The following CFAP69 variants were observed in gnomAD, a reference collection of about 807,000 sequenced individuals.
CFAP69 encodes cilia and flagella associated protein 69, also known as cilia- and flagella-associated protein 69.
Under a neutral mutation model 123.0 loss-of-function variants are expected in CFAP69, and 92 were observed. That is an observed-to-expected ratio of 0.75 (90% CI 0.63 to 0.89). CFAP69 has a LOEUF of 0.89. CFAP69 is among the 40% of genes least tolerant of loss of function. The pLI is 0.00. For synonymous variants in CFAP69, 380 were observed against 364.3 expected (o/e 1.04, Z -0.49); for missense variants, 1,067 against 1,096.9 (o/e 0.97, Z 0.39).
chr7:90,250,922 G>A (rs1049180521), intron 1 of CFAP69, among the ~76,000 whole-genome samples: 3 of 151,902 alleles, frequency 2.0e-5, no homozygotes, highest in Non-Finnish European at 2.9e-5. Context: ...CTCCCACTGC[G>A]TCCAGTAACT....
At chr7:90,261,352 C>A (rs144129846) in intron 3 of CFAP69, among the ~76,000 whole-genome samples, 40 of 151,896 alleles carry the variant, frequency 2.6e-4, no homozygotes, top group African/African-American at 8.5e-4. Context: ...GGATTACAGG[C>A]GTGAGCCAGC....
chr7:90,271,873 C>A lies in CFAP69; in HGVS notation c.775C>A (p.Arg259Ser), dbSNP rs773322992. Residue 259 changes from arginine to serine, a missense_variant, in exon 8 of 23, where the codon CGT becomes AGT. Arg to Ser is a moderately radical substitution (Grantham distance 110). Coordinates refer to ENST00000389297, the MANE Select transcript of CFAP69 (RefSeq NM_001039706.3). ...DPDPSGQLLF[R>S]SSEILWNLLE... The stretch of plus-strand genomic sequence containing the variant: ...AGATCCCTCTGGACAGCTTTTATTT[C>A]GTTCATCAGAAATACTTTGGAACTT... 1.2e-5 allele frequency: 20 copies of A among 1,610,548 alleles called. No homozygotes were observed. Among genetic ancestry groups the A allele is most frequent in the South Asian group, 7.7e-5 (7 of 90,580 alleles).
the CFAP69 span, among the ~76,000 whole-genome samples, chr7:90,320,175 CCT>C: frequency 6.6e-6 from 1 of 152,182 alleles, no homozygotes; most frequent in African/African-American, 2.4e-5. Flanking sequence ...AAAATACAGT[CCT>C]TTCTACATGT....
intron 3 of CFAP69, among the ~76,000 whole-genome samples, chr7:90,259,476 G>A (rs905782721): frequency 9.7e-6 from 1 of 103,114 alleles, no homozygotes; most frequent in African/African-American, 3.5e-5. Context: ...TGGGGTGTTT[G>A]TTTGTTTGTT....
At chr7:90,282,616 G>T (rs1452999673) in intron 12 of CFAP69, among the ~76,000 whole-genome samples, 1 of 152,094 alleles carries the variant, frequency 6.6e-6, no homozygotes, top group Non-Finnish European at 1.5e-5. Flanking sequence ...TTGTGACAAT[G>T]TGAATAATTT....
intron 21 of CFAP69, among the ~76,000 whole-genome samples, chr7:90,308,384 C>T (rs936526645): frequency 2.6e-5 from 4 of 152,216 alleles, no homozygotes; most frequent in East Asian, 1.9e-4. Context: ...TAGTGCTAAT[C>T]GTTCACTTGA....
intron 5 of CFAP69, 43 bp downstream of exon 5, chr7:90,265,420 C>A: frequency 7.7e-7 from 1 of 1,292,890 alleles, no homozygotes; most frequent in Non-Finnish European, 1.1e-6. Context: ...TAACATACGA[C>A]AGGTCCTACT....
rs771619087 is a variant in CFAP69, at chr7:90,245,561, G to A, written c.120+17G>A. ...GAGGCGCAGGTATGAGCAGGTGTCT[G>A]TGCTTTCAGAGGTGGAGGGGGTGGG... On this transcript the variant is annotated intron_variant, in intron 1 of 22. Transcript: ENST00000389297. The A allele has an allele frequency of 6.8e-7, 1 of 1,467,348 alleles. No individual in the cohort carries two copies. Among genetic ancestry groups the A allele is most frequent in the Non-Finnish European group, 9.0e-7 (1 of 1,108,858 alleles). The allele number at this position is 1,467,348 out of a possible 1,614,324, so 90.9% of individuals were successfully genotyped here. A position where few individuals can be genotyped will look rare whatever the true frequency, so the allele number is the denominator to read the frequency against.
At chr7:90,288,172 T>C (rs993247505) in intron 14 of CFAP69, 62 bp from the exon 15 acceptor site, 20 of 1,369,272 alleles carry the variant, frequency 1.5e-5, no homozygotes, top group Non-Finnish European at 1.9e-5. Context: ...ACCGATAAAG[T>C]AGGAAAGGGA....
In CFAP69 at chr7:90,287,047, C is replaced by T. The variant is rs559458473; in HGVS notation, c.1656+648C>T. ...GTTACAGTGAGCCCAGATCTCACCA[C>T]TGCACTCCAGCCTAGGTGACGCAGT... is the stretch of plus-strand genomic sequence containing the variant. On this transcript the variant is annotated intron_variant, in intron 14 of 22. Coordinates refer to ENST00000389297, the MANE Select transcript of CFAP69 (RefSeq NM_001039706.3). Among the ~76,000 whole-genome samples, 18 of 145,768 alleles carry T rather than the reference C, an allele frequency of 1.2e-4. No individual in the cohort carries two copies. In the South Asian group the frequency reaches 3.9e-3, roughly 32 times the overall value.
chr7:90,319,424 A>T, the CFAP69 span: 1 of 398,494 alleles, frequency 2.5e-6, no homozygotes, highest in African/African-American at 2.1e-5. Flanking sequence ...ATTCCATGAG[A>T]TCTTGAAAGC....
At chr7:90,308,814 C>T (rs562127544) in intron 21 of CFAP69, among the ~76,000 whole-genome samples, 1 of 152,180 alleles carries the variant, frequency 6.6e-6, no homozygotes, top group South Asian at 2.1e-4. Flanking sequence ...CTTCAAATAG[C>T]TTAAATATAA....
intron 5 of CFAP69, 28 bp downstream of exon 5, chr7:90,265,405 G>T: frequency 6.8e-7 from 1 of 1,473,876 alleles, no homozygotes; most frequent in South Asian, 1.2e-5. Flanking sequence ...TAAGGTATAG[G>T]GATGTAACAT....
At chr7:90,300,607 C>A in intron 17 of CFAP69, 2 of 368,972 alleles carry the variant, frequency 5.4e-6, no homozygotes, top group Non-Finnish European at 7.5e-6. Context: ...ATTTTTAGTT[C>A]ATTTACATAT....
intron 4 of CFAP69, among the ~76,000 whole-genome samples, chr7:90,263,974 C>T (rs1798693535): frequency 6.6e-6 from 1 of 150,768 alleles, no homozygotes. Context: ...ACCTGTAGTC[C>T]CAGCTACTCG....
chr7:90,304,413 T>A, intron 18 of CFAP69: 1 of 1,196,640 alleles, frequency 8.4e-7, no homozygotes, highest in Non-Finnish European at 1.0e-6. Flanking sequence ...TTGAGTTTTT[T>A]TTTTTAAGTC....
chr7:90,315,736 G>C (rs376772979), downstream of CFAP69, among the ~76,000 whole-genome samples: 33 of 152,282 alleles, frequency 2.2e-4, no homozygotes, highest in African/African-American at 7.9e-4. Flanking sequence ...ACCTGTATGT[G>C]TACCCCTGAA....
intron 17 of CFAP69, chr7:90,301,268 C>T (rs1034503631): frequency 2.0e-5 from 3 of 151,940 alleles, no homozygotes; most frequent in Admixed American, 6.6e-5. Context: ...CACTGCACCC[C>T]GCCTACATAT....
At position 90,295,219 on chromosome 7, in the gene CFAP69, G is replaced by T. The variant is rs552998192; in HGVS notation, c.1776-2530G>T. Among the ~76,000 whole-genome samples the T allele has an allele frequency of 1.6e-4, 24 of 152,236 alleles. No homozygotes were observed. In the East Asian group the frequency reaches 4.6e-3, roughly 29 times the overall value. On this transcript the variant is annotated intron_variant, in intron 15 of 22. Transcript: ENST00000389297. ...TGCCAAACCCATTCTTAGCCAAAAG[G>T]GACTTTACTGAGAGGGGCCTCTAAC...
Sources: allele counts gnomAD v4.1 joint callset (sites outside exome capture counted in the v4.1 genomes callset), GRCh38; gene constraint gnomAD v4.1.1; transcripts MANE v1.5; gene names NCBI Gene and HGNC (gene_info 2026-07-23, HGNC 2026-07-21).